The following PATL1 variants were observed in gnomAD, a reference collection of about 807,000 sequenced individuals.
PATL1 encodes the protein protein PAT1 homolog 1.
Under a neutral mutation model 100.6 loss-of-function variants are expected in PATL1, and 32 were observed. That is an observed-to-expected ratio of 0.32 (90% CI 0.24 to 0.43). The LOEUF (loss-of-function observed/expected upper bound fraction) is 0.43, where lower values mean the gene tolerates loss of function less well. PATL1 is among the 20% of genes least tolerant of loss of function. The pLI is 1.00. For missense variants in PATL1, 747 were observed against 949.9 expected (o/e 0.79, Z 2.81); for synonymous variants, 332 against 330.0 (o/e 1.01, Z -0.07).
chr11:59,648,192 T>C (rs529159228), intron 14 of PATL1, among the ~76,000 whole-genome samples: 4 of 150,058 alleles, frequency 2.7e-5, no homozygotes, highest in East Asian at 3.9e-4. Context: ...TTTCTTTTTT[T>C]TTTTTTTTTT....
At chr11:59,639,593 A>C in intron 16 of PATL1, 1 of 495,826 alleles carries the variant, frequency 2.0e-6, no homozygotes, top group South Asian at 2.6e-5. Flanking sequence ...AGCAGTGACC[A>C]GGCGCAGCCA....
At chr11:59,659,507 AGTGGT>A in intron 2 of PATL1, 38 bp from the exon 3 acceptor site, 1 of 1,505,402 alleles carries the variant, frequency 6.6e-7, no homozygotes, top group Admixed American at 2.2e-5. Context: ...AATAGTTCAT[AGTGGT>A]ACAAAAAAGT....
chr11:59,653,724 A>G (rs1449322739), intron 9 of PATL1, among the ~76,000 whole-genome samples: 1 of 152,052 alleles, frequency 6.6e-6, no homozygotes, highest in Non-Finnish European at 1.5e-5. Context: ...TACGTTTATT[A>G]CTTGTGTGTC....
At chr11:59,648,515 TAA>T (rs72322672) in intron 14 of PATL1, among the ~76,000 whole-genome samples, 9 of 130,148 alleles carry the variant, frequency 6.9e-5, no homozygotes, top group Admixed American at 7.8e-5. Context: ...AGCAACAGCT[TAA>T]AAAAAAAAAA....
chr11:59,641,123 A>G (rs1339017430), intron 16 of PATL1, among the ~76,000 whole-genome samples: 1 of 151,992 alleles, frequency 6.6e-6, no homozygotes, highest in African/African-American at 2.4e-5. Flanking sequence ...GTGAGACAAG[A>G]TATCGCCATT....
chr11:59,649,656 C>A (rs773039444), intron 13 of PATL1, 46 bp from the exon 14 acceptor site: 10 of 1,578,512 alleles, frequency 6.3e-6, no homozygotes, highest in Middle Eastern at 3.4e-4. Flanking sequence ...AGGTCAGAAC[C>A]ACAGTATTAG....
intron 8 of PATL1, among the ~76,000 whole-genome samples, chr11:59,655,265 C>A (rs746925685): frequency 1.3e-5 from 2 of 152,166 alleles, no homozygotes; most frequent in Non-Finnish European, 2.9e-5. Context: ...AGGATAAAAG[C>A]AAACAGCTTA....
intron 16 of PATL1, 159 bp from the exon 17 acceptor site, chr11:59,639,542 A>T: frequency 3.3e-6 from 2 of 610,866 alleles, no homozygotes; most frequent in Middle Eastern, 9.1e-4. Context: ...GACAAGCATG[A>T]GTTGAAAGGC....
chr11:59,661,023 C>T (rs1172663699), intron 2 of PATL1, among the ~76,000 whole-genome samples: 1 of 152,172 alleles, frequency 6.6e-6, no homozygotes, highest in Non-Finnish European at 1.5e-5. Flanking sequence ...CTCCAGTTCT[C>T]TCCAATCTTA....
chr11:59,645,194 A>G (rs1447103379), intron 15 of PATL1, among the ~76,000 whole-genome samples: 2 of 121,518 alleles, frequency 1.6e-5, no homozygotes, highest in East Asian at 4.6e-4. Flanking sequence ...CTACACAGAC[A>G]CGGCAACCAT....
At chr11:59,648,177 C>CTT (rs1397005770) in intron 14 of PATL1, among the ~76,000 whole-genome samples, 1 of 147,394 alleles carries the variant, frequency 6.8e-6, no homozygotes, top group African/African-American at 2.5e-5. Flanking sequence ...ATTTCCTTAA[C>CTT]TTTTTTTCTT....
chr11:59,638,193 CA>C lies in PATL1; in HGVS notation c.*196del, dbSNP rs1335295306. 2 of 607,898 alleles carry C rather than the reference CA, an allele frequency of 3.3e-6. No homozygotes were observed. Among genetic ancestry groups the C allele is most frequent in the Non-Finnish European group, 5.8e-6 (2 of 342,284 alleles). 37.7% of individuals were successfully genotyped at this position (607,898 alleles called of 1,614,324 possible). ...AAGGTAAAGAAACCAGCAGAAGTAT[CA>C]CCCAGCCAAATTTCATAGAGCAGTG... On this transcript the variant is annotated 3_prime_UTR_variant, in exon 19 of 19. Transcript: ENST00000300146.
intron 4 of PATL1, among the ~76,000 whole-genome samples, 184 bp downstream of exon 4, chr11:59,658,682 A>G (rs1861578206): frequency 6.6e-6 from 1 of 152,182 alleles, no homozygotes; most frequent in South Asian, 2.1e-4. Context: ...TTAAATTCCA[A>G]TGGCTCCCTT....
intron 3 of PATL1, 142 bp from the exon 4 acceptor site, chr11:59,659,088 C>T (rs1861590799): frequency 3.0e-6 from 3 of 1,006,834 alleles, no homozygotes; most frequent in Non-Finnish European, 2.9e-6. Flanking sequence ...ATACATTATT[C>T]CCCAAGTTTA....
At chr11:59,650,008 C>T (rs942271088) in intron 13 of PATL1, among the ~76,000 whole-genome samples, 4 of 151,892 alleles carry the variant, frequency 2.6e-5, no homozygotes, top group Admixed American at 6.6e-5. Context: ...ATAATCCCAG[C>T]TACGCAGGTG....
At chr11:59,653,097 GT>G (rs34650341) in intron 9 of PATL1, 79 bp from the exon 10 acceptor site, 60,180 of 885,848 alleles carry the variant, frequency 0.068, 23 homozygotes, top group Middle Eastern at 0.087. Flanking sequence ...AACCAGGCCA[GT>G]TTTTTTTTTT....
rs529972006 is a variant in PATL1 at position 59,667,921 on chromosome 11, C to G, written c.16-957G>C. On this transcript the variant is annotated intron_variant, in intron 1 of 18. Coordinates refer to ENST00000300146, the MANE Select transcript of PATL1 (RefSeq NM_152716.3). ...AAATTCAGAATCAGAATTCCATATTCTATCAGTAGGTACGTTTGTGATACA... is the reference window on the plus strand; with the variant it reads ...AAATTCAGAATCAGAATTCCATATTGTATCAGTAGGTACGTTTGTGATACA... Among the ~76,000 whole-genome samples the G allele has an allele frequency of 2.0e-4, 31 of 152,312 alleles. No homozygotes were observed. In the South Asian group the frequency reaches 6.2e-3, roughly 31 times the overall value.
chr11:59,661,999 C>T (rs1047243400), intron 2 of PATL1, among the ~76,000 whole-genome samples: 2 of 152,104 alleles, frequency 1.3e-5, no homozygotes, highest in Admixed American at 1.3e-4. Context: ...TTTTATGTGA[C>T]TATTTAAATA....
chr11:59,661,486 T>C (rs969135348), intron 2 of PATL1, among the ~76,000 whole-genome samples: 2 of 152,248 alleles, frequency 1.3e-5, no homozygotes, highest in African/African-American at 4.8e-5. Flanking sequence ...CTCATCTCTA[T>C]ATGCATTACT....
Sources: gnomAD v4.1 joint callset for allele counts (sites outside exome capture counted in the v4.1 genomes callset) on GRCh38, gnomAD v4.1.1 for gene constraint, MANE v1.5 for transcripts, NCBI Gene and HGNC (gene_info 2026-07-23, HGNC 2026-07-21) for gene names.